Variants in NFATC2 observed in about 807,000 individuals in gnomAD.
The protein encoded by NFATC2 is nuclear factor of activated T cells 2, also known as nuclear factor of activated T-cells, cytoplasmic 2.
A neutral mutation model predicts 87.3 loss-of-function variants in NFATC2; 22 were observed. The ratio of observed to expected loss-of-function variants is 0.25; its 90% CI spans 0.18 to 0.36. NFATC2 has a LOEUF of 0.36. Among genes scored for constraint, NFATC2 ranks in the 10% least tolerant of loss-of-function variants. The pLI, the probability that NFATC2 is intolerant of heterozygous loss-of-function variation, is 1.00. For missense variants in NFATC2, 1,149 were observed against 1,259.1 expected (o/e 0.91, Z 1.32); for synonymous variants, 565 against 542.2 (o/e 1.04, Z -0.58).
chr20:51,509,755 T>C (rs1256666985), intron 3 of NFATC2, among the ~76,000 whole-genome samples: 1 of 152,222 alleles, frequency 6.6e-6, no homozygotes, highest in Non-Finnish European at 1.5e-5. Context: ...CTTCCTTAGA[T>C]ATCATTTCAA....
Position 51,524,173 on chromosome 20 carries a change from G to C in NFATC2, c.131-63C>G. ...TCAAAAACAGAACTCCCGGTGCAGA[G>C]CAATCACAGGCTGGATTTCGTCTCA... On this transcript the variant is annotated intron_variant, in intron 1 of 10. Transcript: ENST00000371564. This position sits in a 1 kb window ranked among gnomAD's most constrained non-coding sequence, Gnocchi z 4.0. 1 of 1,340,104 alleles carries C rather than the reference G, an allele frequency of 7.5e-7. No homozygotes were observed. 83.0% of individuals were successfully genotyped at this position (1,340,104 alleles called of 1,614,324 possible). A position where few individuals can be genotyped will look rare whatever the true frequency, so the allele number is the denominator to read the frequency against.
At chr20:51,427,713 T>G (rs116347619) in intron 9 of NFATC2, among the ~76,000 whole-genome samples, 28,274 of 151,894 alleles carry the variant, frequency 0.19, 3,600 homozygotes, top group East Asian at 0.36. Flanking sequence ...GAAACACTCT[T>G]CCCTCAGACC....
chr20:51,475,598 C>T lies in NFATC2; in HGVS notation c.1395G>A (p.Glu465=). The part of the protein sequence containing the change: ...GLQIFIGTAD[E]RILKPHAFYQ... ...AGAAGGCGTGCGGCTTAAGGATCCG[C>T]TCATCAGCTGTCCCAATGAAGATCT... Residue 465 remains glutamate, a synonymous_variant, in exon 4 of 11, where the codon GAG becomes GAA. Coordinates refer to ENST00000371564, the MANE Select transcript of NFATC2 (RefSeq NM_012340.5). 1.2e-6 allele frequency: 2 copies of T among 1,614,138 alleles called. No homozygotes were observed. Among genetic ancestry groups the T allele is most frequent in the Non-Finnish European group, 1.7e-6 (2 of 1,180,032 alleles).
chr20:51,544,828 G>A (rs940732440), upstream of NFATC2, among the ~76,000 whole-genome samples: 2 of 152,212 alleles, frequency 1.3e-5, no homozygotes, highest in Non-Finnish European at 2.9e-5. Flanking sequence ...GGCCAGAGAT[G>A]AGAACCACTT....
At chr20:51,476,786 A>G (rs1190371953) in intron 3 of NFATC2, among the ~76,000 whole-genome samples, 1 of 152,234 alleles carries the variant, frequency 6.6e-6, no homozygotes, top group Non-Finnish European at 1.5e-5. Context: ...AAATTCAGAG[A>G]AAACAAATGA....
chr20:51,542,662 C>T lies in NFATC2; in HGVS notation c.-163G>A, dbSNP rs1449069790. 3 of 1,128,620 alleles carry T rather than the reference C, an allele frequency of 2.7e-6. No homozygotes were observed. The highest frequency in any genetic ancestry group is 3.3e-6 in the Non-Finnish European group (3 of 921,962). 69.9% of individuals were successfully genotyped at this position (1,128,620 alleles called of 1,614,324 possible). A position where few individuals can be genotyped will look rare whatever the true frequency, so the allele number is the denominator to read the frequency against. On this transcript the variant is annotated 5_prime_UTR_variant, in exon 1 of 11. Coordinates refer to ENST00000371564, the MANE Select transcript of NFATC2 (RefSeq NM_012340.5). ...GGACGGCGCGCCTGGCGCAGCGGGT[C>T]CTGGACGCGCCCGGGGAAGCTGAGC...
At chr20:51,489,499 A>C (rs900102879) in intron 3 of NFATC2, among the ~76,000 whole-genome samples, 2 of 152,222 alleles carry the variant, frequency 1.3e-5, no homozygotes, top group Admixed American at 1.3e-4. Flanking sequence ...AATTAAACCT[A>C]AGTCTAATTG....
intron 6 of NFATC2, among the ~76,000 whole-genome samples, chr20:51,443,011 C>G (rs929254675): frequency 5.9e-5 from 9 of 152,148 alleles, no homozygotes; most frequent in Non-Finnish European, 1.3e-4. Flanking sequence ...CTTTCCTCCC[C>G]TGATTCCATT....
At chr20:51,492,116 C>T (rs565390113) in intron 3 of NFATC2, among the ~76,000 whole-genome samples, 22 of 152,176 alleles carry the variant, frequency 1.4e-4, no homozygotes, top group African/African-American at 5.3e-4. Context: ...AACCAAATCA[C>T]CTCGGCCCCA....
chr20:51,540,663 T>TTTTTTTTTTTTTTGTTTG (rs1555818354), intron 1 of NFATC2, among the ~76,000 whole-genome samples: 15 of 135,766 alleles, frequency 1.1e-4, no homozygotes, highest in East Asian at 4.6e-4. Flanking sequence ...TTTTTGTTTT[T>TTTTTTTTTTTTTTGTTTG]TTTTTTTTGA....
chr20:51,454,681 T>C lies in NFATC2; in HGVS notation c.1716A>G (p.Arg572=), dbSNP rs950837475. 1.2e-5 allele frequency: 20 copies of C among 1,613,916 alleles called. No homozygotes were observed. Among genetic ancestry groups the C allele is most frequent in the Non-Finnish European group, 1.7e-5 (20 of 1,179,972 alleles). ...CAACCATGGGCAGCTCGTGAGCAGA[T>C]CGCTGGGCTGCAGGCAAAAGAGAGA... is the stretch of plus-strand genomic sequence containing the variant. The part of the protein sequence containing the change: ...TASNPIECSQ[R]SAHELPMVER... Residue 572 remains arginine (R), a synonymous_variant, in exon 6 of 11, where the codon CGA becomes CGG. Coordinates refer to ENST00000371564, the MANE Select transcript of NFATC2 (RefSeq NM_012340.5).
Position 51,540,655 on chromosome 20 carries a change from TTTG to T in NFATC2, c.130+1712_130+1714del, listed in dbSNP as rs1266844814. ...CTGTTCCAAAAACTGAAGTTTTTTT[TTTG>T]TTTTTTTTTTTTTGAGAAAACAGAT... On this transcript the variant is annotated intron_variant, in intron 1 of 10. Coordinates refer to ENST00000371564, the MANE Select transcript of NFATC2 (RefSeq NM_012340.5). 2.4e-4 allele frequency among the ~76,000 whole-genome samples: 31 copies of T among 129,328 alleles called. 2 individuals are homozygous for T. Among genetic ancestry groups the T allele is most frequent in the Middle Eastern group, 3.9e-3 (1 of 258 alleles). 84.8% of individuals were successfully genotyped at this position (129,328 alleles called of 152,430 possible).
At chr20:51,499,477 G>A (rs892690284) in intron 3 of NFATC2, among the ~76,000 whole-genome samples, 8 of 152,162 alleles carry the variant, frequency 5.3e-5, no homozygotes, top group Non-Finnish European at 1.2e-4. Flanking sequence ...ACGCGGCCGG[G>A]CACGGTGGCT....
At position 51,495,800 on chromosome 20, in the gene NFATC2, C is replaced by T. The variant is rs2075978504; in HGVS notation, c.1333-20140G>A. On this transcript the variant is annotated intron_variant, in intron 3 of 10. Transcript: ENST00000371564. ...ATGCACTGGCTGGGTCTACATGCCA[C>T]CATGCCATCTGAAGGGGACTCTAAC... 2.0e-5 allele frequency among the ~76,000 whole-genome samples: 3 copies of T among 152,198 alleles called. No homozygotes were observed. In the South Asian group the frequency reaches 6.2e-4, roughly 31 times the overall value.
At chr20:51,482,267 T>A (rs1989327258) in intron 3 of NFATC2, among the ~76,000 whole-genome samples, 1 of 152,112 alleles carries the variant, frequency 6.6e-6, no homozygotes, top group African/African-American at 2.4e-5. Context: ...GACTCACCCC[T>A]GCCTGCCACC....
intron 5 of NFATC2, among the ~76,000 whole-genome samples, chr20:51,471,778 T>C (rs780248476): frequency 1.3e-5 from 2 of 152,248 alleles, no homozygotes; most frequent in African/African-American, 2.4e-5. Flanking sequence ...ACAGAAGCTA[T>C]CTGCAGATAT....
intron 5 of NFATC2, among the ~76,000 whole-genome samples, chr20:51,469,118 G>A (rs901955846): frequency 1.3e-5 from 2 of 152,016 alleles, no homozygotes; most frequent in Non-Finnish European, 2.9e-5. Flanking sequence ...AACCTCCTGG[G>A]TCCAAGCAAT....
At chr20:51,552,517 A>T (rs1230443577) in intron 1 of NFATC2, among the ~76,000 whole-genome samples, 1 of 152,194 alleles carries the variant, frequency 6.6e-6, no homozygotes, top group African/African-American at 2.4e-5. Context: ...AAGCCCGAAG[A>T]GGACTTCTCT....
chr20:51,455,404 C>T (rs549574847), intron 5 of NFATC2, among the ~76,000 whole-genome samples: 26 of 152,072 alleles, frequency 1.7e-4, no homozygotes, highest in African/African-American at 6.3e-4. Flanking sequence ...CAGGTCTCTA[C>T]TCAGCTGTCA....
Sources: gnomAD v4.1 joint callset for allele counts (sites outside exome capture counted in the v4.1 genomes callset) on GRCh38, gnomAD v4.1.1 for gene constraint, Gnocchi (gnomAD v3.1) non-coding constraint, MANE v1.5 for transcripts, NCBI Gene and HGNC (gene_info 2026-07-23, HGNC 2026-07-21) for gene names.